The following SRSF11 variants were observed in gnomAD, a reference collection of about 807,000 sequenced individuals.
SRSF11 encodes serine/arginine-rich splicing factor 11.
In SRSF11, 9 loss-of-function variants were observed where a neutral mutation model predicts 56.0. The ratio of observed to expected loss-of-function variants is 0.16; its 90% confidence interval spans 0.10 to 0.28. SRSF11 has a LOEUF of 0.28. Among genes scored for constraint, SRSF11 ranks in the 10% least tolerant of loss-of-function variants. The pLI, the probability that SRSF11 is intolerant of heterozygous loss-of-function variation, is 1.00. For missense variants in SRSF11, 421 were observed against 600.7 expected (o/e 0.70, Z 3.13); for synonymous variants, 222 against 215.3 (o/e 1.03, Z -0.27).
At chr1:70,212,963 G>A (rs1300325116) in intron 1 of SRSF11, among the ~76,000 whole-genome samples, 3 of 152,022 alleles carry the variant, frequency 2.0e-5, no homozygotes, top group East Asian at 1.9e-4. Flanking sequence ...GGGGTAAGGG[G>A]CTGAGGCAGG....
rs200873874 is a variant in SRSF11 at position 70,230,435 on chromosome 1, AAGAT to A, written c.338-1830_338-1827del. On this transcript the variant is annotated intron_variant, in intron 2 of 11. Transcript: ENST00000370949. ...AGGAATAGTCTTAATTGGTAAAACT[AAGAT>A]AGCTGAATTTGGAAGGAACTCTTAA... 2.9e-4 allele frequency: 343 copies of A among 1,180,784 alleles called. 3 individuals are homozygous for A. The East Asian group carries it at 0.018, about 61-fold the overall frequency. 73.1% of individuals were successfully genotyped at this position (1,180,784 alleles called of 1,614,324 possible). A position where few individuals can be genotyped will look rare whatever the true frequency, so the allele number is the denominator to read the frequency against.
chr1:70,233,072 G>A (rs568183322), intron 3 of SRSF11, among the ~76,000 whole-genome samples: 1 of 152,208 alleles, frequency 6.6e-6, no homozygotes, highest in South Asian at 2.1e-4. Flanking sequence ...ACTCTTAACT[G>A]TGAAGTGCAC....
chr1:70,246,994 C>A, intron 9 of SRSF11, 87 bp downstream of exon 9: 1 of 1,241,690 alleles, frequency 8.1e-7, no homozygotes, highest in Non-Finnish European at 1.1e-6. Flanking sequence ...AAGTCTTTTC[C>A]AGAACATAAG....
intron 1 of SRSF11, among the ~76,000 whole-genome samples, chr1:70,209,575 A>G (rs1289773396): frequency 6.6e-6 from 1 of 151,912 alleles, no homozygotes; most frequent in African/African-American, 2.4e-5. Flanking sequence ...GCCAACTTTA[A>G]GAGTAGCTGG....
At position 70,224,622 on chromosome 1, in the gene SRSF11, A is replaced by G. The variant is rs554664946; in HGVS notation, c.203+2783A>G. Among the ~76,000 whole-genome samples the G allele has an allele frequency of 5.9e-5, 9 of 152,324 alleles. No individual in the cohort carries two copies. The East Asian group carries it at 1.5e-3, about 26-fold the overall frequency. ...GATTATGACAGACATTTCAATGACAACCTGCTCTAGGAGGTTTCCTGCATT... is the reference window on the plus strand; with the variant it reads ...GATTATGACAGACATTTCAATGACAGCCTGCTCTAGGAGGTTTCCTGCATT... On this transcript the variant is annotated intron_variant, in intron 1 of 11. Transcript: ENST00000370949.
intron 5 of SRSF11, 48 bp from the exon 6 acceptor site, chr1:70,237,377 G>T: frequency 3.1e-6 from 5 of 1,598,984 alleles, no homozygotes; most frequent in African/African-American, 2.7e-5. Flanking sequence ...TGAAATGCTC[G>T]TGTGCATTTT....
chr1:70,229,043 T>C, intron 2 of SRSF11: 1 of 984,992 alleles, frequency 1.0e-6, no homozygotes, highest in Non-Finnish European at 1.2e-6. Flanking sequence ...AGGGTTGCAG[T>C]GATTTTGGTT....
upstream of SRSF11, among the ~76,000 whole-genome samples, chr1:70,220,297 G>A (rs1395665691): frequency 2.0e-5 from 3 of 152,146 alleles, no homozygotes; most frequent in Non-Finnish European, 2.9e-5. Context: ...CTTGTGTATC[G>A]GCACAGAGAC....
chr1:70,220,115 G>A (rs1263232684), upstream of SRSF11, among the ~76,000 whole-genome samples: 1 of 152,200 alleles, frequency 6.6e-6, no homozygotes, highest in African/African-American at 2.4e-5. Flanking sequence ...GCCAGGTTCT[G>A]GACTGACCCA....
intron 2 of SRSF11, chr1:70,231,130 G>T: frequency 7.8e-7 from 1 of 1,289,372 alleles, no homozygotes; most frequent in Non-Finnish European, 1.0e-6. Flanking sequence ...TATATACCAG[G>T]CCCTGCTGAA....
chr1:70,231,498 C>T lies in SRSF11; in HGVS notation c.338-770C>T, dbSNP rs991520890. 4 of 1,063,184 alleles carry T rather than the reference C, an allele frequency of 3.8e-6. No homozygotes were observed. The African/African-American group carries it at 6.8e-5, about 18-fold the overall frequency. 65.9% of individuals were successfully genotyped at this position (1,063,184 alleles called of 1,614,324 possible). ...GGCTAAGTTAGCTTTTCAACTGGCA[C>T]TGTATGGCAGCATTTTTTGGTATGG... is the stretch of plus-strand genomic sequence containing the variant. On this transcript the variant is annotated intron_variant, in intron 2 of 11. Transcript: ENST00000370949.
chr1:70,230,626 G>T (rs1454874512), intron 2 of SRSF11: 33 of 1,273,222 alleles, frequency 2.6e-5, no homozygotes, highest in Non-Finnish European at 3.1e-5. Flanking sequence ...CTGGTGAGGG[G>T]CCTCATTGCT....
At chr1:70,241,200 TCTC>T (rs1675310112) in intron 7 of SRSF11, among the ~76,000 whole-genome samples, 1 of 152,178 alleles carries the variant, frequency 6.6e-6, no homozygotes, top group Non-Finnish European at 1.5e-5. Flanking sequence ...TAAAACCATT[TCTC>T]CTATTTATTG....
chr1:70,231,932 T>C (rs1277366240), intron 2 of SRSF11: 2 of 1,530,348 alleles, frequency 1.3e-6, no homozygotes. Flanking sequence ...GAGAACCGAC[T>C]GTGCTTGCTT....
At chr1:70,249,913 C>T (rs1677609366) in intron 9 of SRSF11, 39 bp from the exon 10 acceptor site, 1 of 1,589,182 alleles carries the variant, frequency 6.3e-7, no homozygotes, top group African/African-American at 1.3e-5. Flanking sequence ...TAAGATCACA[C>T]TGTATTTTAA....
Position 70,249,966 on chromosome 1 carries a change from G to A in SRSF11, c.1037G>A (p.Arg346Gln), listed in dbSNP as rs374532542. Residue 346 changes from arginine (R) to glutamine (Q), a missense_variant, in exon 10 of 12, where the codon CGA becomes CAA. Arg to Gln is a conservative substitution (Grantham distance 43). Around this residue, in one of 2 missense-constraint regions of SRSF11, gnomAD observed 253 missense variants for 305.8 expected, o/e 0.83. Transcript: ENST00000370949. ...TGTGATTCTAGAGAGAGACGACGAC[G>A]AAGAAGCAGGAGTGGCACAAGATCT... ...SRSASRERRR[R>Q]RSRSGTRSPK... 2.2e-5 allele frequency: 36 copies of A among 1,613,970 alleles called. No homozygotes were observed. The highest frequency in any genetic ancestry group is 5.9e-6 in the Non-Finnish European group (7 of 1,180,018).
At chr1:70,232,735 A>AT (rs529884726) in intron 3 of SRSF11, among the ~76,000 whole-genome samples, 10 of 151,014 alleles carry the variant, frequency 6.6e-5, no homozygotes, top group Admixed American at 4.6e-4. Context: ...TGAGCCCTTC[A>AT]TTTTTTTTTC....
At chr1:70,226,461 AAAG>A (rs1483777057) in intron 1 of SRSF11, among the ~76,000 whole-genome samples, 1 of 152,220 alleles carries the variant, frequency 6.6e-6, no homozygotes, top group African/African-American at 2.4e-5. Flanking sequence ...TGCCAAGTAT[AAAG>A]AATACAATTT....
intron 8 of SRSF11, among the ~76,000 whole-genome samples, chr1:70,245,664 A>G (rs1222954120): frequency 6.6e-6 from 1 of 152,218 alleles, no homozygotes; most frequent in Admixed American, 6.5e-5. Flanking sequence ...AGATTTGACT[A>G]GACTCAACGG....
Sources: gnomAD v4.1 joint callset for allele counts (sites outside exome capture counted in the v4.1 genomes callset) on GRCh38, gnomAD v4.1.1 for gene constraint, gnomAD v4.1.1 regional missense constraint, MANE v1.5 for transcripts, NCBI Gene and HGNC (gene_info 2026-07-23, HGNC 2026-07-21) for gene names.